C1QTNF3: variants seen among roughly 807,000 people sequenced by gnomAD.
The protein encoded by C1QTNF3 is C1q and TNF related 3, also known as complement C1q tumor necrosis factor-related protein 3.
C1QTNF3 carries 26 observed loss-of-function variants against 32.6 expected under a neutral mutation model. The ratio of observed to expected loss-of-function variants is 0.80; its 90% CI spans 0.58 to 1.11. The LOEUF (loss-of-function observed/expected upper bound fraction) is 1.11, where lower values mean the gene tolerates loss of function less well. Among genes scored for constraint, C1QTNF3 ranks in the 50% least tolerant of loss-of-function variants. The pLI is 0.00. For missense variants in C1QTNF3, 362 were observed against 398.2 expected, an observed-to-expected ratio of 0.91 and a Z score of 0.77; for synonymous variants, 155 against 146.0, an observed-to-expected ratio of 1.06 and a Z score of -0.44.
the C1QTNF3 span, among the ~76,000 whole-genome samples, chr5:34,204,433 T>C: frequency 6.6e-6 from 1 of 152,342 alleles, no homozygotes; most frequent in East Asian, 1.9e-4. Context: ...TAAAATCATG[T>C]CTTTTGTAAC....
At position 34,029,342 on chromosome 5, in the gene C1QTNF3, G is replaced by A. The variant is rs142826109; in HGVS notation, c.571-459C>T. On this transcript the variant is annotated intron_variant, in intron 3 of 5. Coordinates refer to ENST00000382065, the MANE Select transcript of C1QTNF3 (RefSeq NM_181435.6). The stretch of plus-strand genomic sequence containing the variant: ...CTTTATAGAGACGAGGTCTCACTAT[G>A]TTGCCTAGGCTGGTCTCAAACTCCT... Among the ~76,000 whole-genome samples, 4 of 148,232 alleles carry A rather than the reference G, an allele frequency of 2.7e-5. No homozygotes were observed. In the East Asian group the frequency reaches 5.9e-4, roughly 22 times the overall value.
chr5:34,153,853 T>TAATA, the C1QTNF3 span, among the ~76,000 whole-genome samples: 2 of 32,916 alleles, frequency 6.1e-5, no homozygotes, highest in African/African-American at 9.3e-5. Context: ...ACTTAGAGTA[T>TAATA]AAAAAAAAAA....
At chr5:34,219,040 C>G in the C1QTNF3 span, among the ~76,000 whole-genome samples, 1 of 152,056 alleles carries the variant, frequency 6.6e-6, no homozygotes, top group Non-Finnish European at 1.5e-5. Context: ...GTTTTGCACA[C>G]AGAAATATAT....
the C1QTNF3 span, chr5:34,175,494 A>G: frequency 3.8e-6 from 1 of 261,562 alleles, no homozygotes; most frequent in Non-Finnish European, 7.4e-6. Context: ...AGTGTATCCC[A>G]AAAGTAAATC....
At chr5:34,049,022 G>C in the C1QTNF3 span, among the ~76,000 whole-genome samples, 1 of 151,692 alleles carries the variant, frequency 6.6e-6, no homozygotes, top group East Asian at 2.0e-4. Context: ...TTCAGACAGA[G>C]GGCAATTTAA....
At chr5:34,146,001 A>G in the C1QTNF3 span, among the ~76,000 whole-genome samples, 4 of 152,168 alleles carry the variant, frequency 2.6e-5, no homozygotes, top group African/African-American at 7.2e-5. Flanking sequence ...ATCACAAAAC[A>G]TAGGTCAAAA....
chr5:34,114,542 A>G, the C1QTNF3 span, among the ~76,000 whole-genome samples: 1 of 152,162 alleles, frequency 6.6e-6, no homozygotes, highest in Non-Finnish European at 1.5e-5. Context: ...TCCTGTGTAA[A>G]GCCTATATTT....
chr5:34,050,665 C>T, the C1QTNF3 span, among the ~76,000 whole-genome samples: 1 of 152,212 alleles, frequency 6.6e-6, no homozygotes, highest in South Asian at 2.1e-4. Context: ...TCCTACACAT[C>T]CCATCTGAAT....
chr5:34,123,745 C>T, the C1QTNF3 span, among the ~76,000 whole-genome samples: 2 of 151,946 alleles, frequency 1.3e-5, no homozygotes, highest in South Asian at 4.2e-4. Context: ...ATAAATGCTG[C>T]AATTTTTTTC....
At chr5:34,128,616 G>A in the C1QTNF3 span, among the ~76,000 whole-genome samples, 1 of 152,196 alleles carries the variant, frequency 6.6e-6, no homozygotes, top group East Asian at 1.9e-4. Context: ...TGTGAGACAT[G>A]GAGTCAAAGG....
At chr5:34,054,583 C>T in the C1QTNF3 span, among the ~76,000 whole-genome samples, 1 of 152,152 alleles carries the variant, frequency 6.6e-6, no homozygotes. Flanking sequence ...AATTTGCAGA[C>T]CACTGGTCTA....
the C1QTNF3 span, among the ~76,000 whole-genome samples, chr5:34,162,590 T>C: frequency 1.3e-5 from 2 of 152,192 alleles, no homozygotes; most frequent in African/African-American, 4.8e-5. Flanking sequence ...TATAGAATCT[T>C]GAATTCCTCT....
the C1QTNF3 span, among the ~76,000 whole-genome samples, chr5:34,217,670 G>A: frequency 6.6e-6 from 1 of 152,144 alleles, no homozygotes; most frequent in African/African-American, 2.4e-5. Flanking sequence ...ATTGTGCACA[G>A]CTAAAGTTGG....
the C1QTNF3 span, among the ~76,000 whole-genome samples, chr5:34,207,764 T>C: frequency 1.7e-4 from 26 of 152,208 alleles, no homozygotes; most frequent in African/African-American, 6.0e-4. Flanking sequence ...ATAACTCAAA[T>C]TGTGTGACTT....
At chr5:34,058,940 A>C in the C1QTNF3 span, among the ~76,000 whole-genome samples, 2 of 152,204 alleles carry the variant, frequency 1.3e-5, no homozygotes, top group African/African-American at 4.8e-5. Context: ...CAAGGGACTC[A>C]AGGTCAAGAG....
chr5:34,154,341 T>C, the C1QTNF3 span, among the ~76,000 whole-genome samples: 2 of 152,226 alleles, frequency 1.3e-5, no homozygotes, highest in African/African-American at 4.8e-5. Context: ...TGTAAAGCTT[T>C]CAAAATAGGC....
the C1QTNF3 span, among the ~76,000 whole-genome samples, chr5:34,236,092 G>C: frequency 3.9e-5 from 6 of 152,144 alleles, no homozygotes; most frequent in African/African-American, 1.4e-4. Context: ...TGGGATTTTG[G>C]AGACTAAGTT....
the C1QTNF3 span, among the ~76,000 whole-genome samples, chr5:34,171,167 G>T: frequency 3.3e-5 from 5 of 151,668 alleles, no homozygotes; most frequent in African/African-American, 9.7e-5. Context: ...TATGGGCTTT[G>T]CTTGACTCAT....
At chr5:34,177,953 C>A in the C1QTNF3 span, among the ~76,000 whole-genome samples, 3 of 151,970 alleles carry the variant, frequency 2.0e-5, no homozygotes, top group South Asian at 2.1e-4. Flanking sequence ...CTGACCTAGA[C>A]CCTCTCGAGT....
Sources: allele counts gnomAD v4.1 joint callset (sites outside exome capture counted in the v4.1 genomes callset), GRCh38; gene constraint gnomAD v4.1.1; transcripts MANE v1.5; gene names NCBI Gene and HGNC (gene_info 2026-07-23, HGNC 2026-07-21).